PKP4: variants seen among roughly 807,000 people sequenced by gnomAD.
PKP4 encodes plakophilin-4.
Under a neutral mutation model 145.1 loss-of-function variants are expected in PKP4, and 90 were observed. That is an observed-to-expected ratio of 0.62 (90% CI 0.52 to 0.74). The LOEUF is 0.74. PKP4 is among the 30% of genes least tolerant of loss of function. PKP4 has a pLI of 0.00. For missense variants in PKP4, 1,340 were observed against 1,482.7 expected (o/e 0.90, Z 1.58); for synonymous variants, 563 against 577.2 (o/e 0.98, Z 0.35).
At chr2:158,538,383 A>G (rs2044238716) in intron 2 of PKP4, among the ~76,000 whole-genome samples, 1 of 152,204 alleles carries the variant, frequency 6.6e-6, no homozygotes, top group African/African-American at 2.4e-5. Context: ...ATTTGCAAGT[A>G]TCTTTCACAA....
At chr2:158,478,923 G>C (rs2105428293) in intron 1 of PKP4, among the ~76,000 whole-genome samples, 1 of 152,218 alleles carries the variant, frequency 6.6e-6, no homozygotes, top group Non-Finnish European at 1.5e-5. Context: ...CCATAAACAT[G>C]GGCTTTTAGA....
intron 19 of PKP4, among the ~76,000 whole-genome samples, chr2:158,676,432 T>C (rs1424752678): frequency 6.6e-6 from 1 of 152,120 alleles, no homozygotes; most frequent in Non-Finnish European, 1.5e-5. Context: ...TGAGACAGAC[T>C]AGTGGGGAAA....
intron 1 of PKP4, among the ~76,000 whole-genome samples, chr2:158,520,173 C>T (rs1009846084): frequency 6.6e-6 from 1 of 152,174 alleles, no homozygotes; most frequent in Non-Finnish European, 1.5e-5. Flanking sequence ...AGGGGCAAGT[C>T]AATGCTGCAT....
chr2:158,589,006 ATTTT>A (rs2049032752), intron 3 of PKP4: 1 of 152,122 alleles, frequency 6.6e-6, no homozygotes, highest in Non-Finnish European at 1.5e-5. Flanking sequence ...GTATTTTATT[ATTTT>A]TAGTTTTGTG....
chr2:158,595,275 C>T (rs2049628567), intron 3 of PKP4, among the ~76,000 whole-genome samples: 1 of 152,132 alleles, frequency 6.6e-6, no homozygotes, highest in Non-Finnish European at 1.5e-5. Context: ...TTAGAGAACC[C>T]TCTATTCCAT....
intron 1 of PKP4, among the ~76,000 whole-genome samples, chr2:158,475,597 TG>T (rs2105417626): frequency 6.6e-6 from 1 of 152,324 alleles, no homozygotes; most frequent in South Asian, 2.1e-4. Context: ...CTACCTGTGT[TG>T]GGGCAGGTAA....
intron 1 of PKP4, among the ~76,000 whole-genome samples, chr2:158,488,990 A>C (rs1251392932): frequency 6.6e-6 from 1 of 152,210 alleles, no homozygotes; most frequent in East Asian, 1.9e-4. Context: ...GGAAGGCATT[A>C]CATCTTTCAG....
In PKP4 at chr2:158,565,333, A is replaced by G. The variant is rs557059583; in HGVS notation, c.133-11938A>G. On this transcript the variant is annotated intron_variant, in intron 2 of 21. Coordinates refer to ENST00000389759, the MANE Select transcript of PKP4 (RefSeq NM_003628.6). ...AGGATGTATTTTATGCAAGAGAAAAAGAATTCTCAATATGGCAATTTAAAG... is the reference window on the plus strand; with the variant it reads ...AGGATGTATTTTATGCAAGAGAAAAGGAATTCTCAATATGGCAATTTAAAG... 1.2e-4 allele frequency among the ~76,000 whole-genome samples: 19 copies of G among 152,312 alleles called. No individual in the cohort carries two copies. The South Asian group carries it at 3.9e-3, about 32-fold the overall frequency.
chr2:158,472,159 G>T (rs1013886585), intron 1 of PKP4, among the ~76,000 whole-genome samples: 2 of 152,124 alleles, frequency 1.3e-5, no homozygotes, highest in Non-Finnish European at 2.9e-5. Context: ...GATGTTAGGG[G>T]TTCTCACCAC....
intron 1 of PKP4, among the ~76,000 whole-genome samples, chr2:158,522,639 G>C (rs573364643): frequency 6.7e-6 from 1 of 150,334 alleles, no homozygotes; most frequent in Non-Finnish European, 1.5e-5. Context: ...CAAGATGGCC[G>C]AATAGGAACA....
chr2:158,550,158 T>C (rs552173842), intron 2 of PKP4, among the ~76,000 whole-genome samples: 1 of 100,900 alleles, frequency 9.9e-6, no homozygotes, highest in East Asian at 2.3e-4. Flanking sequence ...AAACAATCTA[T>C]TAATGTGGAA....
chr2:158,660,295 G>A (rs1407570992), intron 12 of PKP4: 1 of 152,710 alleles, frequency 6.5e-6, no homozygotes, highest in African/African-American at 2.4e-5. Context: ...GCTAAAGGCA[G>A]ATGTGTGCCA....
At chr2:158,531,999 A>C (rs971068350) in intron 1 of PKP4, among the ~76,000 whole-genome samples, 1 of 152,214 alleles carries the variant, frequency 6.6e-6, no homozygotes, top group African/African-American at 2.4e-5. Flanking sequence ...CATTTAAGCC[A>C]GGAGAGTAGG....
intron 3 of PKP4, among the ~76,000 whole-genome samples, chr2:158,583,489 T>C (rs4664982): frequency 0.71 from 108,018 of 152,078 alleles, 39,664 homozygotes; most frequent in Non-Finnish European, 0.8. Context: ...CCTGAATCTA[T>C]CATTCAGAGA....
chr2:158,616,332 G>C (rs1399555835), intron 4 of PKP4, among the ~76,000 whole-genome samples: 3 of 152,164 alleles, frequency 2.0e-5, no homozygotes, highest in African/African-American at 7.2e-5. Flanking sequence ...TCCAGAATTT[G>C]GCTTTGCTTT....
At chr2:158,504,595 G>A (rs900988354) in intron 1 of PKP4, among the ~76,000 whole-genome samples, 4 of 151,944 alleles carry the variant, frequency 2.6e-5, no homozygotes, top group Admixed American at 6.6e-5. Context: ...ACTAGAATAG[G>A]TAGTATTAAC....
intron 2 of PKP4, among the ~76,000 whole-genome samples, chr2:158,537,433 G>A (rs922212078): frequency 1.3e-5 from 2 of 152,082 alleles, no homozygotes; most frequent in African/African-American, 4.8e-5. Flanking sequence ...CAGGTGATAC[G>A]GGTAACTACT....
At chr2:158,641,647 A>G (rs1211458824) in intron 10 of PKP4, among the ~76,000 whole-genome samples, 1 of 152,246 alleles carries the variant, frequency 6.6e-6, no homozygotes, top group Non-Finnish European at 1.5e-5. Context: ...TGTGCATAAC[A>G]GTATACCAGT....
intron 9 of PKP4, 95 bp downstream of exon 9, chr2:158,634,384 A>G: frequency 2.4e-6 from 2 of 818,344 alleles, no homozygotes; most frequent in South Asian, 1.5e-5. Context: ...AGTCTATTAT[A>G]CTATCATTAT....
Sources: allele counts gnomAD v4.1 joint callset (sites outside exome capture counted in the v4.1 genomes callset), GRCh38; gene constraint gnomAD v4.1.1; transcripts MANE v1.5; gene names NCBI Gene and HGNC (gene_info 2026-07-23, HGNC 2026-07-21).